BACE2: variants seen among roughly 807,000 people sequenced by gnomAD.
BACE2 encodes the protein 56 kDa aspartic-like protease.
BACE2 carries 17 observed loss-of-function variants against 46.2 expected under a neutral mutation model. The observed-to-expected ratio is 0.37, with a 90% CI of 0.25 to 0.55. The LOEUF (loss-of-function observed/expected upper bound fraction) is 0.55, where lower values mean the gene tolerates loss of function less well. Ranked by LOEUF, BACE2 falls within the 20% of genes least tolerant of loss-of-function variation. The pLI, the probability that BACE2 is intolerant of heterozygous loss-of-function variation, is 0.82. For missense variants in BACE2, 595 were observed against 698.1 expected (o/e 0.85, Z 1.66); for synonymous variants, 277 against 295.9 (o/e 0.94, Z 0.66).
At chr21:41,237,447 AAAAT>A in intron 2 of BACE2, 62 bp from the exon 3 acceptor site, 19 of 1,233,382 alleles carry the variant, frequency 1.5e-5, no homozygotes, top group Non-Finnish European at 1.8e-5. Context: ...CTCCGTCTCA[AAAAT>A]AAATAAATAA....
chr21:41,174,971 G>A (rs1162160010), intron 1 of BACE2, among the ~76,000 whole-genome samples: 2 of 152,138 alleles, frequency 1.3e-5, no homozygotes, highest in African/African-American at 2.4e-5. Context: ...CATGTTTCTG[G>A]TGGAACCTGA....
At chr21:41,168,891 C>T (rs980499370) in intron 1 of BACE2, among the ~76,000 whole-genome samples, 1 of 152,112 alleles carries the variant, frequency 6.6e-6, no homozygotes, top group African/African-American at 2.4e-5. Context: ...TGATTTCCTT[C>T]TTGCGGGCGA....
chr21:41,241,693 T>C (rs555212725), intron 3 of BACE2, 126 bp from the exon 4 acceptor site: 3 of 1,101,202 alleles, frequency 2.7e-6, no homozygotes, highest in African/African-American at 1.6e-5. Flanking sequence ...GCTGGTGTAC[T>C]GTTGAACCAT....
chr21:41,210,461 G>A (rs1035439302), intron 1 of BACE2, among the ~76,000 whole-genome samples: 18 of 152,126 alleles, frequency 1.2e-4, no homozygotes, highest in Non-Finnish European at 2.5e-4. Flanking sequence ...GGGTTGAGCC[G>A]CGTACTCTAC....
intron 8 of BACE2, among the ~76,000 whole-genome samples, chr21:41,269,536 C>A (rs1411390793): frequency 6.6e-6 from 1 of 152,132 alleles, no homozygotes; most frequent in Non-Finnish European, 1.5e-5. Flanking sequence ...CACTGACGTG[C>A]CTTCTGTCAC....
intron 1 of BACE2, among the ~76,000 whole-genome samples, chr21:41,221,977 G>A (rs1986671072): frequency 6.6e-6 from 1 of 152,224 alleles, no homozygotes; most frequent in Non-Finnish European, 1.5e-5. Context: ...GGAGCTGTCG[G>A]GACCCCGTGA....
At chr21:41,206,121 T>A (rs1356210336) in intron 1 of BACE2, among the ~76,000 whole-genome samples, 1 of 152,180 alleles carries the variant, frequency 6.6e-6, no homozygotes, top group Non-Finnish European at 1.5e-5. Flanking sequence ...CTAGACTGAG[T>A]GGCTTATAAA....
chr21:41,209,394 A>G (rs1158973503), intron 1 of BACE2, among the ~76,000 whole-genome samples: 1 of 152,216 alleles, frequency 6.6e-6, no homozygotes, highest in East Asian at 1.9e-4. Flanking sequence ...TAAGGAGTCC[A>G]TCTGAGGGAG....
intron 8 of BACE2, among the ~76,000 whole-genome samples, chr21:41,274,968 C>T (rs1446174829): frequency 6.6e-6 from 1 of 152,166 alleles, no homozygotes; most frequent in African/African-American, 2.4e-5. Flanking sequence ...GGTAAATTCT[C>T]CTTCTCTTTC....
Position 41,219,956 on chromosome 21 carries a change from G to A in BACE2, c.313-6310G>A, listed in dbSNP as rs144014549. Among the ~76,000 whole-genome samples, 636 of 152,310 alleles carry A rather than the reference G, an allele frequency of 4.2e-3. 4 individuals carry two copies. The highest frequency in any genetic ancestry group is 6.9e-3 in the Non-Finnish European group (469 of 68,026). On this transcript the variant is annotated intron_variant, in intron 1 of 8. Transcript: ENST00000330333. ...CCTGGGGATGGCGTGGGACCCCAGAGTGAGGGCCCAGTCCCCCAAGACTGC... is the reference window on the plus strand; with the variant it reads ...CCTGGGGATGGCGTGGGACCCCAGAATGAGGGCCCAGTCCCCCAAGACTGC...
intron 1 of BACE2, among the ~76,000 whole-genome samples, chr21:41,200,619 A>G (rs1280703397): frequency 1.3e-5 from 2 of 152,160 alleles, no homozygotes; most frequent in Middle Eastern, 3.2e-3. Flanking sequence ...ACTTCAAAAT[A>G]TGACTATCTT....
chr21:41,256,136 A>G (rs1320296366), intron 7 of BACE2, among the ~76,000 whole-genome samples: 2 of 151,780 alleles, frequency 1.3e-5, no homozygotes, highest in African/African-American at 2.4e-5. Flanking sequence ...ACATGTGCAG[A>G]ATGTGCAGGT....
chr21:41,199,906 T>C (rs902363341), intron 1 of BACE2, among the ~76,000 whole-genome samples: 4 of 151,882 alleles, frequency 2.6e-5, no homozygotes, highest in Admixed American at 6.6e-5. Context: ...GAACATGCGG[T>C]GTTTGGTTTT....
chr21:41,237,716 C>A lies in BACE2; in HGVS notation c.605C>A (p.Ala202Asp). ...KWNGILGLAY[A>D]TLAKPSSSLE... ...AATGGAATACTTGGCCTAGCTTATG[C>A]CACACTTGCCAAGGTAAGGCTAATC... Residue 202 changes from alanine to aspartate, a missense_variant, in exon 3 of 9, where the codon GCC becomes GAC. Ala to Asp is a moderately radical substitution (Grantham distance 126, BLOSUM62 -2). Around this residue, in one of 3 missense-constraint regions of BACE2, gnomAD observed 343 missense variants for 419.4 expected, o/e 0.82. Coordinates refer to ENST00000330333, the MANE Select transcript of BACE2 (RefSeq NM_012105.5). The A allele has an allele frequency of 1.9e-6, 3 of 1,613,218 alleles. No individual in the cohort carries two copies. Among genetic ancestry groups the A allele is most frequent in the Non-Finnish European group, 2.5e-6 (3 of 1,179,172 alleles).
chr21:41,272,031 T>A (rs916896990), intron 8 of BACE2, among the ~76,000 whole-genome samples: 1 of 152,014 alleles, frequency 6.6e-6, no homozygotes, highest in African/African-American at 2.4e-5. Flanking sequence ...AGCTTGTGTA[T>A]GACTGAAAAT....
intron 4 of BACE2, among the ~76,000 whole-genome samples, chr21:41,242,535 G>T (rs1987332891): frequency 6.6e-6 from 1 of 152,150 alleles, no homozygotes; most frequent in South Asian, 2.1e-4. Flanking sequence ...CAGTCCCTTT[G>T]CTGTCTGACT....
chr21:41,252,862 G>A (rs1230049570), intron 7 of BACE2, among the ~76,000 whole-genome samples: 1 of 152,180 alleles, frequency 6.6e-6, no homozygotes. Context: ...TTCCAGAAAA[G>A]GAGAGATCTT....
At chr21:41,252,146 G>T (rs1987658573) in intron 7 of BACE2, among the ~76,000 whole-genome samples, 1 of 152,148 alleles carries the variant, frequency 6.6e-6, no homozygotes, top group Admixed American at 6.5e-5. Flanking sequence ...CCTGCTATGA[G>T]TAAGCAGTGC....
chr21:41,210,828 T>A (rs1220904246), intron 1 of BACE2, among the ~76,000 whole-genome samples: 2 of 152,240 alleles, frequency 1.3e-5, no homozygotes, highest in Admixed American at 1.3e-4. Context: ...GCATGTCACA[T>A]GGATGTTCAA....
Sources: gnomAD v4.1 joint callset for allele counts (sites outside exome capture counted in the v4.1 genomes callset) on GRCh38, gnomAD v4.1.1 for gene constraint, gnomAD v4.1.1 regional missense constraint, MANE v1.5 for transcripts, NCBI Gene and HGNC (gene_info 2026-07-23, HGNC 2026-07-21) for gene names.